The following ATP9B variants were observed in gnomAD, a reference collection of about 807,000 sequenced individuals.
ATP9B encodes the protein probable phospholipid-transporting ATPase IIB.
In ATP9B, 110 loss-of-function variants were observed where a neutral mutation model predicts 146.1. The observed-to-expected ratio is 0.75, with a 90% CI of 0.65 to 0.88. The LOEUF is 0.88. Ranked by LOEUF, ATP9B falls within the 40% of genes least tolerant of loss-of-function variation. The pLI is 0.00. For synonymous variants in ATP9B, 604 were observed against 569.7 expected (o/e 1.06, Z -0.86); for missense variants, 1,499 against 1,496.4 (o/e 1.00, Z -0.03).
chr18:79,185,978 CTG>C (rs1568357045), intron 8 of ATP9B, among the ~76,000 whole-genome samples: 1 of 152,066 alleles, frequency 6.6e-6, no homozygotes, highest in Non-Finnish European at 1.5e-5. Flanking sequence ...GTAATAATAA[CTG>C]TGCTGCAGAG....
At position 79,307,158 on chromosome 18, in the gene ATP9B, A is replaced by G. The variant is rs1371107422; in HGVS notation, c.1697A>G (p.Glu566Gly). The G allele has an allele frequency of 1.9e-5, 30 of 1,614,110 alleles. No individual in the cohort carries two copies. Among genetic ancestry groups the G allele is most frequent in the Non-Finnish European group, 2.4e-5 (28 of 1,180,056 alleles). ...TATGAGTCTCGGGCCGGCGTTACTG[A>G]GGAGACTGAGTTCGCAGAGGCTGAC... ...PVYESRAGVT[E>G]ETEFAEADQD... The change falls in exon 15 of 30, where the codon GAG becomes GGG. Residue 566 changes from glutamate (E) to glycine (G), a missense_variant. Coordinates refer to ENST00000426216, the MANE Select transcript of ATP9B (RefSeq NM_198531.5).
chr18:79,119,541 A>T (rs1386855080), intron 4 of ATP9B, among the ~76,000 whole-genome samples: 3 of 152,236 alleles, frequency 2.0e-5, no homozygotes, highest in African/African-American at 4.8e-5. Flanking sequence ...TTCAATATTC[A>T]TATAAAAGAT....
At chr18:79,214,070 G>T (rs1366623547) in intron 11 of ATP9B, 32 bp downstream of exon 11, 4 of 1,502,830 alleles carry the variant, frequency 2.7e-6, no homozygotes, top group South Asian at 2.5e-5. Flanking sequence ...CTGCTTTAAT[G>T]AACTTATTTT....
chr18:79,120,011 G>A lies in ATP9B; in HGVS notation c.559-6256G>A, dbSNP rs2094160829. On this transcript the variant is annotated intron_variant, in intron 4 of 29. Coordinates refer to ENST00000426216, the MANE Select transcript of ATP9B (RefSeq NM_198531.5). The stretch of plus-strand genomic sequence containing the variant: ...TAAATCTAAAGAAATCTCTTTAAAG[G>A]AAACTATTTAAAATAATGCAAATTT... Among the ~76,000 whole-genome samples the A allele has an allele frequency of 1.3e-5, 2 of 152,132 alleles. 1 individual carries two copies. Among genetic ancestry groups the A allele is most frequent in the Non-Finnish European group, 2.9e-5 (2 of 68,002 alleles).
chr18:79,315,084 G>A (rs755626309), intron 15 of ATP9B, among the ~76,000 whole-genome samples: 9 of 152,136 alleles, frequency 5.9e-5, no homozygotes, highest in Non-Finnish European at 1.0e-4. Flanking sequence ...GGTAAGTTCC[G>A]TATTTAAATA....
intron 12 of ATP9B, among the ~76,000 whole-genome samples, chr18:79,269,645 T>C (rs775072553): frequency 3.2e-4 from 49 of 152,378 alleles, no homozygotes; most frequent in Non-Finnish European, 6.5e-4. Context: ...GTTGTTACGG[T>C]GTTTTTGGTA....
intron 6 of ATP9B, among the ~76,000 whole-genome samples, chr18:79,144,476 A>C (rs749305949): frequency 6.6e-6 from 1 of 152,262 alleles, no homozygotes; most frequent in African/African-American, 2.4e-5. Flanking sequence ...GGAGTGTGCA[A>C]CCTAGGTCCC....
chr18:79,244,495 G>A (rs2095922591), intron 11 of ATP9B, among the ~76,000 whole-genome samples: 1 of 152,048 alleles, frequency 6.6e-6, no homozygotes, highest in South Asian at 2.1e-4. Flanking sequence ...CAGACCTTGT[G>A]CTTGGGAATT....
At chr18:79,298,214 G>A (rs2096566462) in intron 13 of ATP9B, among the ~76,000 whole-genome samples, 1 of 146,820 alleles carries the variant, frequency 6.8e-6, no homozygotes. Context: ...TATCTACCTA[G>A]AAAATCCAAG....
chr18:79,269,037 C>G (rs2096231197), intron 12 of ATP9B, among the ~76,000 whole-genome samples: 1 of 152,134 alleles, frequency 6.6e-6, no homozygotes, highest in African/African-American at 2.4e-5. Context: ...TGTTGAGGTA[C>G]GATGTTTCTT....
At chr18:79,302,777 A>G (rs1011062847) in intron 13 of ATP9B, among the ~76,000 whole-genome samples, 2 of 152,216 alleles carry the variant, frequency 1.3e-5, no homozygotes, top group African/African-American at 2.4e-5. Flanking sequence ...TGTCATTCCA[A>G]GGGACACACA....
chr18:79,256,286 T>TATATATATATATATATATAC lies in ATP9B; in HGVS notation c.1268+2746_1268+2747insTATATATATATATATATACA, dbSNP rs398033647. Among the ~76,000 whole-genome samples, 504 of 122,876 alleles carry TATATATATATATATATATAC rather than the reference T, an allele frequency of 4.1e-3. 25 individuals are homozygous for TATATATATATATATATATAC. The highest frequency in any genetic ancestry group is 0.015 in the African/African-American group (474 of 30,640). 80.6% of individuals were successfully genotyped at this position (122,876 alleles called of 152,430 possible). On this transcript the variant is annotated intron_variant, in intron 12 of 29. Coordinates refer to ENST00000426216, the MANE Select transcript of ATP9B (RefSeq NM_198531.5). Reference sequence around the variant, plus strand: ...ATATATATATATATATATATATATATACATACATAGTGAGGCTATGTTATT... The same window carrying TATATATATATATATATATAC: ...ATATATATATATATATATATATATATATATATATATATATATATACACATACATAGTGAGGCTATGTTATT...
chr18:79,342,938 C>G (rs2147411844), intron 20 of ATP9B, among the ~76,000 whole-genome samples: 1 of 152,130 alleles, frequency 6.6e-6, no homozygotes, highest in East Asian at 1.9e-4. Context: ...TTAACTAGTT[C>G]AAAGAAAATT....
intron 12 of ATP9B, among the ~76,000 whole-genome samples, chr18:79,272,431 G>A (rs753583384): frequency 6.6e-6 from 1 of 152,022 alleles, no homozygotes; most frequent in South Asian, 2.1e-4. Flanking sequence ...AATCCTGCAC[G>A]GATACGCTCC....
Position 79,372,852 on chromosome 18 carries a change from C to T in ATP9B, c.3040C>T (p.Leu1014Phe), listed in dbSNP as rs773672805. Reference protein sequence around the residue: ...KGRSLSFKTFLIWVLISIYQG... With the variant: ...KGRSLSFKTFFIWVLISIYQG... ...AAGATCCTTGTCCTTCAAAACCTTC[C>T]TCATCTGGGTTTTAATAAGTATTTA... Residue 1014 changes from leucine (L) to phenylalanine (F), a missense_variant, in exon 27 of 30, where the codon CTC becomes TTC. Coordinates refer to ENST00000426216, the MANE Select transcript of ATP9B (RefSeq NM_198531.5). 4 of 1,611,794 alleles carry T rather than the reference C, an allele frequency of 2.5e-6. No homozygotes were observed. The highest frequency in any genetic ancestry group is 2.2e-5 in the East Asian group (1 of 44,880).
At chr18:79,087,534 A>G (rs1197843366) in intron 1 of ATP9B, 1 of 152,254 alleles carries the variant, frequency 6.6e-6, no homozygotes, top group Non-Finnish European at 1.5e-5. Context: ...ATTAACATGC[A>G]GGCAAAGTGG....
chr18:79,276,983 T>G, intron 12 of ATP9B, 71 bp from the exon 13 acceptor site: 1 of 1,560,888 alleles, frequency 6.4e-7, no homozygotes, highest in Non-Finnish European at 8.8e-7. Flanking sequence ...GGGTTTTATC[T>G]GGCAGTTTGG....
intron 10 of ATP9B, among the ~76,000 whole-genome samples, chr18:79,208,295 T>C (rs1257350419): frequency 6.6e-6 from 1 of 152,146 alleles, no homozygotes; most frequent in Non-Finnish European, 1.5e-5. Flanking sequence ...GCAGCTTTTC[T>C]GAAGAAGAAA....
chr18:79,365,190 TAGAC>T (rs764607135), intron 26 of ATP9B, among the ~76,000 whole-genome samples: 58 of 152,252 alleles, frequency 3.8e-4, no homozygotes, highest in South Asian at 1.5e-3. Context: ...GTTTTTAAAG[TAGAC>T]AGAAGATATT....
Sources: allele counts gnomAD v4.1 joint callset (sites outside exome capture counted in the v4.1 genomes callset), GRCh38; gene constraint gnomAD v4.1.1; transcripts MANE v1.5; gene names NCBI Gene and HGNC (gene_info 2026-07-23, HGNC 2026-07-21).